AP3S1: variants seen among roughly 807,000 people sequenced by gnomAD.
The protein encoded by AP3S1 is adaptor related protein complex 3 subunit sigma 1, also known as AP-3 complex subunit sigma-1.
AP3S1 carries 12 observed loss-of-function variants against 21.3 expected under a neutral mutation model. That is an observed-to-expected ratio of 0.56 (90% confidence interval 0.36 to 0.91). The LOEUF (loss-of-function observed/expected upper bound fraction) is 0.91. Ranked by LOEUF, AP3S1 falls within the 40% of genes least tolerant of loss-of-function variation. AP3S1 has a pLI of 0.01. For missense variants in AP3S1, 116 were observed against 225.0 expected (o/e 0.52, Z 3.10); for synonymous variants, 48 against 78.4 (o/e 0.61, Z 2.05).
intron 3 of AP3S1, among the ~76,000 whole-genome samples, chr5:115,892,919 T>G (rs1049261115): frequency 1.3e-5 from 2 of 152,318 alleles, no homozygotes; most frequent in South Asian, 2.1e-4. Context: ...AAACATCTCA[T>G]GTACCCCACA....
chr5:115,894,400 A>T (rs1750569053), intron 3 of AP3S1, among the ~76,000 whole-genome samples: 1 of 152,190 alleles, frequency 6.6e-6, no homozygotes, highest in Non-Finnish European at 1.5e-5. Flanking sequence ...TCAAATTGGT[A>T]CAGCATGGCC....
At position 115,870,000 on chromosome 5, in the gene AP3S1, A is replaced by T; in HGVS notation, c.162-17A>T. On this transcript the variant is annotated splice_polypyrimidine_tract_variant and intron_variant, in intron 2 of 5. Transcript: ENST00000316788. ...GCATTTTGTTTCCAATAACATTACA[A>T]TTTTTTTGTCATTTAGATTAATTGG... 8.6e-7 allele frequency: 1 copy of T among 1,167,290 alleles called. No homozygotes were observed. Among genetic ancestry groups the T allele is most frequent in the Non-Finnish European group, 1.2e-6 (1 of 818,896 alleles). The allele number at this position is 1,167,290 out of a possible 1,614,324, so 72.3% of individuals were successfully genotyped here. A position where few individuals can be genotyped will look rare whatever the true frequency, so the allele number is the denominator to read the frequency against.
intron 2 of AP3S1, among the ~76,000 whole-genome samples, chr5:115,867,873 A>G (rs1747833418): frequency 6.6e-6 from 1 of 152,186 alleles, no homozygotes; most frequent in Admixed American, 6.5e-5. Context: ...TGCTATTTGA[A>G]TTAGAAATTG....
chr5:115,869,195 G>A (rs574517032), intron 2 of AP3S1, among the ~76,000 whole-genome samples: 3 of 152,220 alleles, frequency 2.0e-5, no homozygotes, highest in South Asian at 2.1e-4. Flanking sequence ...TAAAATTCCA[G>A]TCATTATAAA....
chr5:115,873,726 T>G (rs181051434), intron 3 of AP3S1, among the ~76,000 whole-genome samples: 83 of 152,272 alleles, frequency 5.5e-4, no homozygotes, highest in Admixed American at 1.2e-3. Context: ...CAGAGAGAAC[T>G]GATTTTCTTA....
intron 4 of AP3S1, among the ~76,000 whole-genome samples, chr5:115,901,571 T>C (rs976112339): frequency 6.6e-6 from 1 of 151,370 alleles, no homozygotes; most frequent in African/African-American, 2.4e-5. Flanking sequence ...TTTTTTTTAA[T>C]TGAGGCAGGG....
chr5:115,864,263 T>C (rs1279235462), intron 1 of AP3S1, among the ~76,000 whole-genome samples: 2 of 152,198 alleles, frequency 1.3e-5, no homozygotes, highest in Non-Finnish European at 2.9e-5. Context: ...ATAGATACTT[T>C]GTTCCTGAAG....
chr5:115,843,189 C>T (rs1761772267), intron 1 of AP3S1, among the ~76,000 whole-genome samples: 1 of 152,190 alleles, frequency 6.6e-6, no homozygotes, highest in Non-Finnish European at 1.5e-5. Context: ...GGTATTGTGG[C>T]ACTTTGCTTA....
At chr5:115,913,316 C>A (rs1752244621) in intron 5 of AP3S1, 46 bp from the exon 6 acceptor site, 2 of 1,143,388 alleles carry the variant, frequency 1.7e-6, no homozygotes, top group Non-Finnish European at 2.2e-6. Flanking sequence ...ATGAGCTACA[C>A]CTGAGTTGTA....
At chr5:115,864,834 G>T (rs1185014469) in intron 1 of AP3S1, among the ~76,000 whole-genome samples, 1 of 152,176 alleles carries the variant, frequency 6.6e-6, no homozygotes, top group Admixed American at 6.5e-5. Flanking sequence ...CAGATGATAA[G>T]GAAGTAGACT....
chr5:115,895,247 A>G (rs1018913701), intron 4 of AP3S1, 89 bp downstream of exon 4: 50 of 843,802 alleles, frequency 5.9e-5, no homozygotes, highest in Non-Finnish European at 5.7e-5. Context: ...GAATAATTCT[A>G]TTTTTATTCT....
chr5:115,875,819 T>A (rs894721887), intron 3 of AP3S1, among the ~76,000 whole-genome samples: 3 of 152,212 alleles, frequency 2.0e-5, no homozygotes, highest in Admixed American at 6.6e-5. Context: ...CCAGTTTTTT[T>A]AAAATAGTTT....
chr5:115,874,704 T>C (rs1056950958), intron 3 of AP3S1, among the ~76,000 whole-genome samples: 1 of 152,156 alleles, frequency 6.6e-6, no homozygotes, highest in Non-Finnish European at 1.5e-5. Flanking sequence ...ATTATTTTAT[T>C]CATGGCTGCT....
chr5:115,870,716 A>G (rs1033024994), intron 3 of AP3S1, among the ~76,000 whole-genome samples: 2 of 152,306 alleles, frequency 1.3e-5, no homozygotes, highest in Admixed American at 6.5e-5. Context: ...TTATCAGACT[A>G]TACCACCTTC....
intron 1 of AP3S1, among the ~76,000 whole-genome samples, chr5:115,845,489 T>G (rs1761987384): frequency 6.6e-6 from 1 of 152,198 alleles, no homozygotes; most frequent in Admixed American, 6.5e-5. Flanking sequence ...GTTGCGCACC[T>G]GTTTTGCTAA....
rs920791367 is a variant in AP3S1, at chr5:115,902,869, C to T, written c.346-16C>T. ...TGAATTTTCTTTATGGGTATATATT[C>T]TTTTATTCCCTTTAGGTTCACAATA... On this transcript the variant is annotated splice_polypyrimidine_tract_variant and intron_variant, in intron 4 of 5. Coordinates refer to ENST00000316788, the MANE Select transcript of AP3S1 (RefSeq NM_001284.4). 4.4e-6 allele frequency: 3 copies of T among 675,266 alleles called. No homozygotes were observed. The highest frequency in any genetic ancestry group is 3.8e-5 in the African/African-American group (2 of 51,950). 41.8% of individuals were successfully genotyped at this position (675,266 alleles called of 1,614,324 possible).
At chr5:115,875,547 A>C (rs988068412) in intron 3 of AP3S1, among the ~76,000 whole-genome samples, 4 of 152,176 alleles carry the variant, frequency 2.6e-5, no homozygotes, top group African/African-American at 4.8e-5. Context: ...ACTGTCCAGC[A>C]CTTGGAAATT....
chr5:115,852,941 A>G (rs1762543248), intron 1 of AP3S1: 3 of 440,448 alleles, frequency 6.8e-6, no homozygotes, highest in East Asian at 7.1e-5. Context: ...ACATTCATGT[A>G]TGAATTTTTC....
intron 3 of AP3S1, among the ~76,000 whole-genome samples, chr5:115,874,779 AC>A (rs1748557840): frequency 6.6e-6 from 1 of 151,924 alleles, no homozygotes; most frequent in South Asian, 2.1e-4. Flanking sequence ...TTTTTTTTTA[AC>A]TTTACATGCT....
Sources: allele counts gnomAD v4.1 joint callset (sites outside exome capture counted in the v4.1 genomes callset), GRCh38; gene constraint gnomAD v4.1.1; transcripts MANE v1.5; gene names NCBI Gene and HGNC (gene_info 2026-07-23, HGNC 2026-07-21).